Variants in SLC5A3 observed in about 807,000 individuals in gnomAD.
SLC5A3 encodes the protein sodium/myo-inositol cotransporter.
Under a neutral mutation model 43.2 loss-of-function variants are expected in SLC5A3, and 10 were observed. The observed-to-expected ratio is 0.23, with a 90% CI of 0.14 to 0.39. The LOEUF is 0.39. Ranked by LOEUF, SLC5A3 falls within the 10% of genes least tolerant of loss-of-function variation. SLC5A3 has a pLI of 1.00. For synonymous variants in SLC5A3, 349 were observed against 322.0 expected, an observed-to-expected ratio of 1.08 and a Z score of -0.90; for missense variants, 608 against 893.4, an observed-to-expected ratio of 0.68 and a Z score of 4.07.
At chr21:34,092,052 A>G (rs1027877887) in intron 1 of SLC5A3, among the ~76,000 whole-genome samples, 8 of 152,116 alleles carry the variant, frequency 5.3e-5, no homozygotes, top group Non-Finnish European at 1.2e-4. Context: ...ATTCTTATAA[A>G]AATAAGGGAA....
chr21:34,087,234 A>C (rs1016747534), intron 1 of SLC5A3, among the ~76,000 whole-genome samples: 1 of 151,748 alleles, frequency 6.6e-6, no homozygotes, highest in African/African-American at 2.4e-5. Context: ...GAGATTGCAG[A>C]TCACTGGTGG....
At chr21:34,076,297 G>A (rs1383587013) in intron 1 of SLC5A3, among the ~76,000 whole-genome samples, 1 of 152,002 alleles carries the variant, frequency 6.6e-6, no homozygotes, top group Non-Finnish European at 1.5e-5. Context: ...TTTGACCCTA[G>A]CTTGACTCCT....
At chr21:34,086,449 C>G (rs1334413035) in intron 1 of SLC5A3, among the ~76,000 whole-genome samples, 3 of 152,006 alleles carry the variant, frequency 2.0e-5, no homozygotes, top group African/African-American at 4.8e-5. Flanking sequence ...TGATTTTTCT[C>G]ATTACATTAG....
rs1362056684 is a variant in SLC5A3, at chr21:34,104,913, A to G, written c.*7558A>G. On this transcript the variant is annotated 3_prime_UTR_variant, in exon 2 of 2. Coordinates refer to ENST00000381151, the MANE Select transcript of SLC5A3 (RefSeq NM_006933.7). ...TCTTTGGCAGAAATGCCTTTCATCT[A>G]TAATTTCATGGAGAACTGCTTTAAT... The G allele has an allele frequency of 1.3e-5, 13 of 1,000,092 alleles. No individual in the cohort carries two copies. The highest frequency in any genetic ancestry group is 1.0e-3 in the Middle Eastern group (2 of 1,938). 62.0% of individuals were successfully genotyped at this position (1,000,092 alleles called of 1,614,324 possible). A position where few individuals can be genotyped will look rare whatever the true frequency, so the allele number is the denominator to read the frequency against.
chr21:34,093,386 TC>T (rs1176121461), intron 1 of SLC5A3, among the ~76,000 whole-genome samples: 1 of 152,176 alleles, frequency 6.6e-6, no homozygotes, highest in Non-Finnish European at 1.5e-5. Context: ...TTGAGACATT[TC>T]TATCCAGGCA....
intron 1 of SLC5A3, among the ~76,000 whole-genome samples, chr21:34,091,336 G>T (rs915351555): frequency 6.6e-6 from 1 of 152,138 alleles, no homozygotes; most frequent in South Asian, 2.1e-4. Flanking sequence ...TCCTTGTTTG[G>T]TTTTAGTGGC....
Position 34,100,999 on chromosome 21 carries a change from A to G in SLC5A3, c.*3644A>G. On this transcript the variant is annotated 3_prime_UTR_variant, in exon 2 of 2. Coordinates refer to ENST00000381151, the MANE Select transcript of SLC5A3 (RefSeq NM_006933.7). ...TTCATCAGAGGCATGATGACTGGAA[A>G]GGGATCACATGGGTCGTTGGTGGTG... 2 of 1,000,176 alleles carry G rather than the reference A, an allele frequency of 2.0e-6. No homozygotes were observed. Among genetic ancestry groups the G allele is most frequent in the Non-Finnish European group, 2.4e-6 (2 of 829,934 alleles). The allele number at this position is 1,000,176 out of a possible 1,614,324, so 62.0% of individuals were successfully genotyped here.
chr21:34,106,238 C>T lies in SLC5A3; in HGVS notation c.*8883C>T, dbSNP rs1192321543. ...GGAAATGTTAGCAATTCTGTACCAA[C>T]TTTGAATAAAATGAAAAATTTATAT... On this transcript the variant is annotated 3_prime_UTR_variant, in exon 2 of 2. Transcript: ENST00000381151. The T allele has an allele frequency of 1.1e-6, 1 of 910,952 alleles. No homozygotes were observed. The highest frequency in any genetic ancestry group is 1.8e-5 in the African/African-American group (1 of 55,478). The allele number at this position is 910,952 out of a possible 1,614,324, so 56.4% of individuals were successfully genotyped here.
rs1445618023 is a variant in SLC5A3 at position 34,097,661 on chromosome 21, T to TA, written c.*307dup. 1 of 1,068,006 alleles carries TA rather than the reference T, an allele frequency of 9.4e-7. No individual in the cohort carries two copies. The highest frequency in any genetic ancestry group is 1.1e-6 in the Non-Finnish European group (1 of 874,222). 66.2% of individuals were successfully genotyped at this position (1,068,006 alleles called of 1,614,324 possible). ...ACTTAGAGCAGAATATATGTTAAGTTACCATGAATTAAGGTATACTGTCTG... is the reference window on the plus strand; with the variant it reads ...ACTTAGAGCAGAATATATGTTAAGTTAACCATGAATTAAGGTATACTGTCTG... On this transcript the variant is annotated 3_prime_UTR_variant, in exon 2 of 2. Transcript: ENST00000381151.
chr21:34,073,744 G>A lies in SLC5A3; in HGVS notation c.-338G>A, dbSNP rs549847334. 2.0e-6 allele frequency: 3 copies of A among 1,525,644 alleles called. No homozygotes were observed. The highest frequency in any genetic ancestry group is 1.8e-6 in the Non-Finnish European group (2 of 1,131,762). 94.5% of individuals were successfully genotyped at this position (1,525,644 alleles called of 1,614,324 possible). ...GCTTTAATCCTGAAAGCCATGCAGC[G>A]GGTAAGTGACCTTCCCTCAGAGCCG... On this transcript the variant is annotated splice_region_variant and 5_prime_UTR_variant, in exon 1 of 2. Coordinates refer to ENST00000381151, the MANE Select transcript of SLC5A3 (RefSeq NM_006933.7).
At position 34,104,428 on chromosome 21, in the gene SLC5A3, T is replaced by A; in HGVS notation, c.*7073T>A. 1 of 1,000,160 alleles carries A rather than the reference T, an allele frequency of 1.0e-6. No individual in the cohort carries two copies. The highest frequency in any genetic ancestry group is 4.7e-5 in the South Asian group (1 of 21,286). 62.0% of individuals were successfully genotyped at this position (1,000,160 alleles called of 1,614,324 possible). ...AATGAATGAATGTCTTTGTCTTAAATTTTGCCCATGTGTTAAAAGATGTAA... is the reference window on the plus strand; with the variant it reads ...AATGAATGAATGTCTTTGTCTTAAAATTTGCCCATGTGTTAAAAGATGTAA... On this transcript the variant is annotated 3_prime_UTR_variant, in exon 2 of 2. Coordinates refer to ENST00000381151, the MANE Select transcript of SLC5A3 (RefSeq NM_006933.7).
At position 34,101,469 on chromosome 21, in the gene SLC5A3, G is replaced by C; in HGVS notation, c.*4114G>C. ...ATGCTAGGTTGTTGAAGGCATTTCA[G>C]TGTTGATAATAGCCTGAGCAGACTT... is the stretch of plus-strand genomic sequence containing the variant. On this transcript the variant is annotated 3_prime_UTR_variant, in exon 2 of 2. Coordinates refer to ENST00000381151, the MANE Select transcript of SLC5A3 (RefSeq NM_006933.7). The C allele has an allele frequency of 1.0e-6, 1 of 1,000,048 alleles. No homozygotes were observed. The highest frequency in any genetic ancestry group is 1.2e-6 in the Non-Finnish European group (1 of 829,844). 61.9% of individuals were successfully genotyped at this position (1,000,048 alleles called of 1,614,324 possible).
Position 34,096,543 on chromosome 21 carries a change from A to G in SLC5A3, c.1345A>G (p.Thr449Ala). Reference sequence around the variant, plus strand: ...CATTCAGGAGGTAGCAGATTACCTGACACCCCCAGTGGCAGCCTTGTTCCT... The same window carrying G: ...CATTCAGGAGGTAGCAGATTACCTGGCACCCCCAGTGGCAGCCTTGTTCCT... ...LYIQEVADYL[T>A]PPVAALFLLA... The change falls in exon 2 of 2, where the codon ACA (threonine) becomes GCA (alanine). Residue 449 changes from threonine to alanine, a missense_variant. Physicochemically the swap from Thr to Ala is moderately conservative, Grantham distance 58. Transcript: ENST00000381151. The surrounding 1 kb of genome is among the most constrained non-coding windows in gnomAD (Gnocchi z 5.9). 1.9e-6 allele frequency: 3 copies of G among 1,614,088 alleles called. No individual in the cohort carries two copies. The highest frequency in any genetic ancestry group is 2.5e-6 in the Non-Finnish European group (3 of 1,179,986).
chr21:34,100,751 C>T lies in SLC5A3; in HGVS notation c.*3396C>T, dbSNP rs997588876. ...AGAGCCAATAGAGTGTGTCTGTATT[C>T]GCAGTCCATGGCTCATTTTCTTTAT... On this transcript the variant is annotated 3_prime_UTR_variant, in exon 2 of 2. Transcript: ENST00000381151. 4.1e-5 allele frequency: 41 copies of T among 999,806 alleles called. No homozygotes were observed. The highest frequency in any genetic ancestry group is 4.9e-5 in the Non-Finnish European group (41 of 829,726). 61.9% of individuals were successfully genotyped at this position (999,806 alleles called of 1,614,324 possible).
intron 1 of SLC5A3, among the ~76,000 whole-genome samples, chr21:34,083,569 G>A (rs192276026): frequency 3.3e-5 from 5 of 152,336 alleles, no homozygotes; most frequent in Non-Finnish European, 7.3e-5. Context: ...AAATGACCCA[G>A]TCATGGGTTG....
At chr21:34,077,243 A>G (rs1278211107) in intron 1 of SLC5A3, among the ~76,000 whole-genome samples, 2 of 152,382 alleles carry the variant, frequency 1.3e-5, no homozygotes, top group African/African-American at 4.8e-5. Flanking sequence ...AAAGCCGCAT[A>G]CTGTATAATG....
rs201049956 is a variant in SLC5A3 at position 34,095,991 on chromosome 21, A to G, written c.793A>G (p.Ile265Val). 4 of 1,614,188 alleles carry G rather than the reference A, an allele frequency of 2.5e-6. No individual in the cohort carries two copies. Among genetic ancestry groups the G allele is most frequent in the African/African-American group, 2.7e-5 (2 of 75,052 alleles). Residue 265 changes from isoleucine to valine, a missense_variant, in exon 2 of 2, where the codon ATT becomes GTT. By Grantham distance (29) the Ile-to-Val change is conservative. Transcript: ENST00000381151. ...TGAAGATGTTCCTTGGCCTGGATTC[A>G]TTCTTGGGCAGACCCCAGCTTCAGT... ...TDEDVPWPGF[I>V]LGQTPASVWY...
Position 34,100,544 on chromosome 21 carries a change from A to T in SLC5A3, c.*3189A>T. On this transcript the variant is annotated 3_prime_UTR_variant, in exon 2 of 2. Coordinates refer to ENST00000381151, the MANE Select transcript of SLC5A3 (RefSeq NM_006933.7). ...GCTTCCTTTTCACTTGGCTCAAAGG[A>T]TCCATTGTATTTTGGCACAAAGAGC... The T allele has an allele frequency of 4.0e-6, 4 of 1,000,236 alleles. No homozygotes were observed. The highest frequency in any genetic ancestry group is 4.8e-6 in the Non-Finnish European group (4 of 829,978). 62.0% of individuals were successfully genotyped at this position (1,000,236 alleles called of 1,614,324 possible).
intron 1 of SLC5A3, among the ~76,000 whole-genome samples, chr21:34,081,385 T>G (rs1158942356): frequency 6.6e-6 from 1 of 152,206 alleles, no homozygotes; most frequent in Non-Finnish European, 1.5e-5. Flanking sequence ...ATAAAATACT[T>G]AAGGTACGTA....
Sources: allele counts gnomAD v4.1 joint callset (sites outside exome capture counted in the v4.1 genomes callset), GRCh38; gene constraint gnomAD v4.1.1; non-coding constraint Gnocchi (gnomAD v3.1); transcripts MANE v1.5; gene names NCBI Gene and HGNC (gene_info 2026-07-23, HGNC 2026-07-21).